HIVEP2: variants seen among roughly 807,000 people sequenced by gnomAD.
HIVEP2 encodes HIVEP zinc finger 2, also known as transcription factor HIVEP2.
Under a neutral mutation model 180.7 loss-of-function variants are expected in HIVEP2, and 14 were observed. The ratio of observed to expected loss-of-function variants is 0.08; its 90% CI spans 0.05 to 0.12. The LOEUF (loss-of-function observed/expected upper bound fraction) is 0.12, where lower values mean the gene tolerates loss of function less well. Among genes scored for constraint, HIVEP2 ranks in the 10% least tolerant of loss-of-function variants. The pLI is 1.00. For synonymous variants in HIVEP2, 1,184 were observed against 1,136.4 expected, an observed-to-expected ratio of 1.04 and a Z score of -0.84; for missense variants, 2,579 against 3,008.5, an observed-to-expected ratio of 0.86 and a Z score of 3.34.
At chr6:142,764,068 C>A (rs182097174) in intron 7 of HIVEP2, among the ~76,000 whole-genome samples, 13 of 152,212 alleles carry the variant, frequency 8.5e-5, no homozygotes, top group Admixed American at 7.2e-4. Context: ...CTGCAAAAGT[C>A]GAACAACCTC....
intron 1 of HIVEP2, among the ~76,000 whole-genome samples, chr6:142,842,829 T>C (rs866899660): frequency 2.0e-5 from 3 of 152,084 alleles, no homozygotes; most frequent in African/African-American, 4.8e-5. Context: ...TAAAGAGATA[T>C]TAGTGATTAG....
intron 1 of HIVEP2, among the ~76,000 whole-genome samples, chr6:142,861,328 A>C (rs1251395873): frequency 6.6e-6 from 1 of 152,242 alleles, no homozygotes. Context: ...AAATTTACTA[A>C]TAATGAGAAG....
At chr6:142,824,393 G>A (rs112168397) in intron 2 of HIVEP2, among the ~76,000 whole-genome samples, 3,680 of 152,178 alleles carry the variant, frequency 0.024, 165 homozygotes, top group African/African-American at 0.082. Flanking sequence ...AATCCACAAC[G>A]TGAACTGGTC....
intron 1 of HIVEP2, among the ~76,000 whole-genome samples, chr6:142,901,966 A>C (rs1777144057): frequency 6.6e-6 from 1 of 152,226 alleles, no homozygotes; most frequent in Non-Finnish European, 1.5e-5. Context: ...ATGAAATCTT[A>C]AGAATTAGAA....
At chr6:142,848,996 C>A (rs1775582655) in intron 1 of HIVEP2, among the ~76,000 whole-genome samples, 1 of 152,160 alleles carries the variant, frequency 6.6e-6, no homozygotes, top group African/African-American at 2.4e-5. Context: ...AATATCTAAC[C>A]ACTTATACAC....
At chr6:142,813,067 G>A (rs1292653797) in intron 2 of HIVEP2, among the ~76,000 whole-genome samples, 1 of 151,966 alleles carries the variant, frequency 6.6e-6, no homozygotes, top group Non-Finnish European at 1.5e-5. Context: ...TAAAAAAAGT[G>A]TTTATTTTTG....
chr6:142,793,673 T>TTCTTTCTTTTTTCTTTCTTTCTTTCTC (rs1289211652), intron 2 of HIVEP2, among the ~76,000 whole-genome samples: 1 of 107,426 alleles, frequency 9.3e-6, no homozygotes, highest in African/African-American at 3.7e-5. Context: ...CTTTCTTTCT[T>TTCTTTCTTTTTTCTTTCTTTCTTTCTC]TCTCTCTCTC....
chr6:142,801,656 A>G (rs987472397), intron 2 of HIVEP2, among the ~76,000 whole-genome samples: 2 of 152,072 alleles, frequency 1.3e-5, no homozygotes, highest in African/African-American at 4.8e-5. Flanking sequence ...TTGGTTTCCC[A>G]TCTATAAAAT....
intron 9 of HIVEP2, among the ~76,000 whole-genome samples, chr6:142,754,225 G>GT (rs1403525807): frequency 1.3e-5 from 2 of 150,982 alleles, no homozygotes; most frequent in Admixed American, 6.6e-5. Context: ...TTTCAGCTCT[G>GT]TTTTTTTCAC....
intron 1 of HIVEP2, among the ~76,000 whole-genome samples, chr6:142,916,861 C>T (rs1777562560): frequency 6.6e-6 from 1 of 152,118 alleles, no homozygotes; most frequent in South Asian, 2.1e-4. Context: ...CAACAGTAAG[C>T]AAATATCCTT....
chr6:142,826,277 C>T (rs1040439), intron 2 of HIVEP2, among the ~76,000 whole-genome samples: 120,351 of 152,156 alleles, frequency 0.79, 48,238 homozygotes, highest in Non-Finnish European at 0.86. Flanking sequence ...CCAAGCTTGT[C>T]CTTTAATAAA....
chr6:142,943,224 A>C lies in HIVEP2; in HGVS notation c.-641+1875T>G, dbSNP rs758032405. On this transcript the variant is annotated intron_variant, in intron 1 of 9. Coordinates refer to ENST00000367603, the MANE Select transcript of HIVEP2 (RefSeq NM_006734.4). This position sits in a 1 kb window ranked among gnomAD's most constrained non-coding sequence, Gnocchi z 4.5. ...CCTAAAAATCAAACCCAATCTACTC[A>C]TTCCACAGTCTACTTCGTTAAAATT... 2.0e-5 allele frequency among the ~76,000 whole-genome samples: 3 copies of C among 152,170 alleles called. No individual in the cohort carries two copies. The highest frequency in any genetic ancestry group is 2.9e-5 in the Non-Finnish European group (2 of 68,032).
At chr6:142,923,505 G>A (rs2128435395) in intron 1 of HIVEP2, among the ~76,000 whole-genome samples, 2 of 152,308 alleles carry the variant, frequency 1.3e-5, no homozygotes, top group Admixed American at 1.3e-4. Context: ...ACACTTTGGA[G>A]AAGATTTTCT....
intron 3 of HIVEP2, among the ~76,000 whole-genome samples, chr6:142,776,667 G>A (rs1775708739): frequency 6.6e-6 from 1 of 152,022 alleles, no homozygotes; most frequent in African/African-American, 2.4e-5. Context: ...AAGTAACTGG[G>A]ACTAAAGGCA....
chr6:142,879,579 C>A (rs1582936145), intron 1 of HIVEP2, among the ~76,000 whole-genome samples: 1 of 152,070 alleles, frequency 6.6e-6, no homozygotes, highest in Admixed American at 6.6e-5. Context: ...ATGCAAGACC[C>A]CCTTCTCTCC....
rs780203244 is a variant in HIVEP2, at chr6:142,769,814, C to T, written c.4925G>A (p.Arg1642Gln). Residue 1642 changes from arginine to glutamine, a missense_variant, in exon 5 of 10, where the codon CGG (arginine) becomes CAG (glutamine). Arg to Gln is a conservative substitution (Grantham distance 43). Around this residue, in one of 11 missense-constraint regions of HIVEP2, gnomAD observed 349 missense variants for 367.2 expected, o/e 0.95. Coordinates refer to ENST00000367603, the MANE Select transcript of HIVEP2 (RefSeq NM_006734.4). ...GCACCAACTCACAGTAGTTGTTGTCCGCAGACTGGGGAACTGAAGAATCTG... is the reference window on the plus strand; with the variant it reads ...GCACCAACTCACAGTAGTTGTTGTCTGCAGACTGGGGAACTGAAGAATCTG... ...FQQILQFPSLRTTTTVSWCFL... is the reference protein window; with the variant it reads ...FQQILQFPSLQTTTTVSWCFL... 27 of 1,614,028 alleles carry T rather than the reference C, an allele frequency of 1.7e-5. No individual in the cohort carries two copies. Among genetic ancestry groups the T allele is most frequent in the Middle Eastern group, 1.6e-4 (1 of 6,084 alleles).
intron 1 of HIVEP2, among the ~76,000 whole-genome samples, chr6:142,926,530 A>G (rs543823254): frequency 6.6e-6 from 1 of 152,246 alleles, no homozygotes; most frequent in East Asian, 1.9e-4. Flanking sequence ...CGTATATTCT[A>G]TCCGGGCAAT....
At chr6:142,928,115 A>T (rs530134095) in intron 1 of HIVEP2, among the ~76,000 whole-genome samples, 1 of 152,306 alleles carries the variant, frequency 6.6e-6, no homozygotes, top group East Asian at 1.9e-4. Flanking sequence ...AGGTTCTTGG[A>T]TTATAACAAA....
rs769799135 is a variant in HIVEP2 at position 142,773,281 on chromosome 6, G to C, written c.1458C>G (p.Asp486Glu). 14 of 1,614,184 alleles carry C rather than the reference G, an allele frequency of 8.7e-6. No individual in the cohort carries two copies. The highest frequency in any genetic ancestry group is 1.0e-5 in the Non-Finnish European group (12 of 1,180,034). The change falls in exon 5 of 10, where the codon GAC (aspartate) becomes GAG (glutamate). Residue 486 changes from aspartate to glutamate, a missense_variant. By Grantham distance (45) the Asp-to-Glu change is conservative. Around this residue, in one of 11 missense-constraint regions of HIVEP2, gnomAD observed 524 missense variants for 563.6 expected, o/e 0.93. Coordinates refer to ENST00000367603, the MANE Select transcript of HIVEP2 (RefSeq NM_006734.4). Reference protein sequence around the residue: ...SQLIPSKGDVDPSQTSMLKST... With the variant: ...SQLIPSKGDVEPSQTSMLKST... Reference sequence around the variant, plus strand: ...ATTTCAGCATGCTCGTTTGACTGGGGTCGACATCTCCCTTGCTTGGGATCA... The same window carrying C: ...ATTTCAGCATGCTCGTTTGACTGGGCTCGACATCTCCCTTGCTTGGGATCA...
Sources: gnomAD v4.1 joint callset for allele counts (sites outside exome capture counted in the v4.1 genomes callset) on GRCh38, gnomAD v4.1.1 for gene constraint, gnomAD v4.1.1 regional missense constraint, Gnocchi (gnomAD v3.1) non-coding constraint, MANE v1.5 for transcripts, NCBI Gene and HGNC (gene_info 2026-07-23, HGNC 2026-07-21) for gene names.